Variants in PRRC2A observed in about 807,000 individuals in gnomAD.
PRRC2A encodes protein PRRC2A.
Under a neutral mutation model 224.6 loss-of-function variants are expected in PRRC2A, and 59 were observed. The ratio of observed to expected loss-of-function variants is 0.26; its 90% CI spans 0.21 to 0.33. The LOEUF (loss-of-function observed/expected upper bound fraction) is 0.33, where lower values mean the gene tolerates loss of function less well. Among genes scored for constraint, PRRC2A ranks in the 10% least tolerant of loss-of-function variants. The probability of loss-of-function intolerance (pLI) is 1.00; values close to 1 mark genes in which losing one functional copy is unlikely to be tolerated. For missense variants in PRRC2A, 3,095 were observed against 2,880.7 expected (o/e 1.07, Z -1.70); for synonymous variants, 1,194 against 1,109.5 (o/e 1.08, Z -1.51).
chr6:31,637,034 C>T lies in PRRC2A; in HGVS notation c.6148-8C>T, dbSNP rs747734917. ...AAGGTAGGCAGCTCATGATTTTTTT[C>T]CCCTCAGCTGCATCCAGTGGAACTA... On this transcript the variant is annotated splice_region_variant and splice_polypyrimidine_tract_variant and intron_variant, in intron 28 of 30. Transcript: ENST00000376033. 1.0e-5 allele frequency: 16 copies of T among 1,594,170 alleles called. No homozygotes were observed. In the African/African-American group the frequency reaches 2.0e-4, roughly 20 times the overall value.
At position 31,632,053 on chromosome 6, in the gene PRRC2A, C is replaced by T. The variant is rs573341599; in HGVS notation, c.3380C>T (p.Pro1127Leu). The T allele has an allele frequency of 1.3e-6, 2 of 1,579,228 alleles. No individual in the cohort carries two copies. Among genetic ancestry groups the T allele is most frequent in the Non-Finnish European group, 1.7e-6 (2 of 1,160,396 alleles). ...LAPSDKEAPT[P>L]KEGTLTQVPL... ...CCTTCAGACAAGGAGGCTCCCACACCCAAGGAGGGAACACTCACCCAGGTC... is the reference window on the plus strand; with the variant it reads ...CCTTCAGACAAGGAGGCTCCCACACTCAAGGAGGGAACACTCACCCAGGTC... The change falls in exon 16 of 31, where the codon CCC (proline) becomes CTC (leucine). Residue 1127 changes from proline (P) to leucine (L), a missense_variant. This residue lies in a region of PRRC2A where 2,001 missense variants were observed against 1,764.9 expected (regional missense o/e 1.13). Coordinates refer to ENST00000376033, the MANE Select transcript of PRRC2A (RefSeq NM_004638.4).
rs1776046491 is a variant in PRRC2A at position 31,627,497 on chromosome 6, C to CTG, written c.1291-266_1291-265dup. On this transcript the variant is annotated intron_variant, in intron 11 of 30. Transcript: ENST00000376033. This position sits in a 1 kb window ranked among gnomAD's most constrained non-coding sequence, Gnocchi z 5.6. Reference sequence around the variant, plus strand: ...GACTAGGGTGGCTAGATAGCTGGATCTGTTAGTATGCATCAGTAGTCCAAG... The same window carrying CTG: ...GACTAGGGTGGCTAGATAGCTGGATCTGTGTTAGTATGCATCAGTAGTCCAAG... Among the ~76,000 whole-genome samples the CTG allele has an allele frequency of 6.6e-6, 1 of 152,144 alleles. No individual in the cohort carries two copies. The highest frequency in any genetic ancestry group is 2.4e-5 in the African/African-American group (1 of 41,410).
In PRRC2A at chr6:31,631,065, T is replaced by G. The variant is rs1776495808; in HGVS notation, c.2466-74T>G. The G allele has an allele frequency of 7.3e-7, 1 of 1,372,650 alleles. No individual in the cohort carries two copies. 85.0% of individuals were successfully genotyped at this position (1,372,650 alleles called of 1,614,324 possible). On this transcript the variant is annotated intron_variant, in intron 15 of 30. Transcript: ENST00000376033. This position sits in a 1 kb window ranked among gnomAD's most constrained non-coding sequence, Gnocchi z 4.5. ...TAGTAAAAGAGAGTCTGCATCATAATAAAGTGTTCTTTTCCCACCTAGTTC... is the reference window on the plus strand; with the variant it reads ...TAGTAAAAGAGAGTCTGCATCATAAGAAAGTGTTCTTTTCCCACCTAGTTC...
chr6:31,627,330 C>T lies in PRRC2A; in HGVS notation c.1290+132C>T. 3.0e-6 allele frequency: 2 copies of T among 674,570 alleles called. No homozygotes were observed. Among genetic ancestry groups the T allele is most frequent in the Non-Finnish European group, 5.0e-6 (2 of 398,324 alleles). The allele number at this position is 674,570 out of a possible 1,614,324, so 41.8% of individuals were successfully genotyped here. ...CTGTGTGAAGTGCCAGGCTGCAGAACATCCTGGGAAGCTTTTAAATATCTT... is the reference window on the plus strand; with the variant it reads ...CTGTGTGAAGTGCCAGGCTGCAGAATATCCTGGGAAGCTTTTAAATATCTT... On this transcript the variant is annotated intron_variant, in intron 11 of 30. Coordinates refer to ENST00000376033, the MANE Select transcript of PRRC2A (RefSeq NM_004638.4). This position sits in a 1 kb window ranked among gnomAD's most constrained non-coding sequence, Gnocchi z 5.6.
intron 12 of PRRC2A, chr6:31,628,686 C>CA (rs1776190975): frequency 4.6e-6 from 1 of 215,174 alleles, no homozygotes. Context: ...ACTAAAAATA[C>CA]AAAAATTAGC....
chr6:31,626,493 G>A (rs1005044103), intron 9 of PRRC2A, among the ~76,000 whole-genome samples: 4 of 151,894 alleles, frequency 2.6e-5, no homozygotes, highest in Non-Finnish European at 5.9e-5. Flanking sequence ...GGAGTTGGAG[G>A]TCACAGTGAG....
chr6:31,629,791 C>G lies in PRRC2A; in HGVS notation c.2200C>G (p.Leu734Val), dbSNP rs1192553971. Residue 734 changes from leucine to valine, a missense_variant, in exon 14 of 31, where the codon CTC (leucine) becomes GTC (valine). Physicochemically the swap from Leu to Val is conservative, Grantham distance 32 (BLOSUM62 1). Transcript: ENST00000376033. Reference protein sequence around the residue: ...MMIPPYVDPRLLQGRPPLDFY... With the variant: ...MMIPPYVDPRVLQGRPPLDFY... Reference sequence around the variant, plus strand: ...GATTCCTCCTTATGTGGACCCCCGGCTCCTCCAGGGTCGTCCCCCTCTAGA... The same window carrying G: ...GATTCCTCCTTATGTGGACCCCCGGGTCCTCCAGGGTCGTCCCCCTCTAGA... 1 of 1,613,758 alleles carries G rather than the reference C, an allele frequency of 6.2e-7. No homozygotes were observed. Among genetic ancestry groups the G allele is most frequent in the East Asian group, 2.2e-5 (1 of 44,878 alleles).
intron 16 of PRRC2A, 108 bp downstream of exon 16, chr6:31,633,100 A>G (rs917199173): frequency 2.6e-5 from 35 of 1,358,546 alleles, no homozygotes; most frequent in Non-Finnish European, 3.0e-5. Flanking sequence ...CTGAGGGGCC[A>G]TGGGCTCTAG....
In PRRC2A at chr6:31,631,586, G is replaced by T; in HGVS notation, c.2913G>T (p.Gln971His). The T allele has an allele frequency of 6.4e-7, 1 of 1,565,936 alleles. No individual in the cohort carries two copies. Among genetic ancestry groups the T allele is most frequent in the Non-Finnish European group, 8.6e-7 (1 of 1,160,742 alleles). ...AGCTGCCTCCCAAGCCCCTCGAACA[G>T]GGGGATGAAACCCCCAAACCCCCAA... Reference protein sequence around the residue: ...VEELPPKPLEQGDETPKPPKP... With the variant: ...VEELPPKPLEHGDETPKPPKP... Residue 971 changes from glutamine to histidine, a missense_variant, in exon 16 of 31, where the codon CAG (glutamine) becomes CAT (histidine). Transcript: ENST00000376033. The surrounding 1 kb of genome is among the most constrained non-coding windows in gnomAD (Gnocchi z 4.5).
In PRRC2A at chr6:31,630,638, C is replaced by T. The variant is rs1019217361; in HGVS notation, c.2302C>T (p.Pro768Ser). The T allele has an allele frequency of 6.2e-7, 1 of 1,614,092 alleles. No individual in the cohort carries two copies. The highest frequency in any genetic ancestry group is 8.5e-7 in the Non-Finnish European group (1 of 1,180,010). ...AGACAGTGGGGGCTCAAGCTCAGAG[C>T]CATTTGACCGTCATGCACCTGCTAT... ...RSDSGGSSSEPFDRHAPAMLR... is the reference protein window; with the variant it reads ...RSDSGGSSSESFDRHAPAMLR... The change falls in exon 15 of 31, where the codon CCA (proline) becomes TCA (serine). Residue 768 changes from proline (P) to serine (S), a missense_variant. Physicochemically the swap from Pro to Ser is moderately conservative, Grantham distance 74 (BLOSUM62 -1). Coordinates refer to ENST00000376033, the MANE Select transcript of PRRC2A (RefSeq NM_004638.4).
chr6:31,633,477 C>T lies in PRRC2A; in HGVS notation c.4418C>T (p.Pro1473Leu). Reference sequence around the variant, plus strand: ...CTGGACCAAGTTATCCACAGCAACCCTGCTGGCATCCAACAGGCTCTGGCC... The same window carrying T: ...CTGGACCAAGTTATCCACAGCAACCTTGCTGGCATCCAACAGGCTCTGGCC... ...FRLDQVIHSN[P>L]AGIQQALAQL... Residue 1473 changes from proline (P) to leucine (L), a missense_variant, in exon 17 of 31, where the codon CCT (proline) becomes CTT (leucine). By Grantham distance (98) the Pro-to-Leu change is moderately conservative. Transcript: ENST00000376033. 6.2e-7 allele frequency: 1 copy of T among 1,613,116 alleles called. No homozygotes were observed. The highest frequency in any genetic ancestry group is 1.7e-4 in the Middle Eastern group (1 of 6,060).
intron 1 of PRRC2A, among the ~76,000 whole-genome samples, chr6:31,621,224 C>G (rs1434398613): frequency 6.6e-6 from 1 of 151,606 alleles, no homozygotes; most frequent in Non-Finnish European, 1.5e-5. Context: ...GTGGGCCGCG[C>G]CCGACGGTTC....
rs1777122731 is a variant in PRRC2A, at chr6:31,634,851, G to A, written c.5034G>A (p.Gly1678=). The change falls in exon 21 of 31, where the codon GGG becomes GGA. Residue 1678 remains glycine (G), a synonymous_variant. Transcript: ENST00000376033. The part of the protein sequence containing the change: ...QRSSPDGGLK[G]AAEGPPKRPG... ...GTTCCCCTGATGGAGGACTCAAGGG[G>A]GCAGCAGAGGGACCCCCCAAGAGGC... 1 of 1,612,878 alleles carries A rather than the reference G, an allele frequency of 6.2e-7. No homozygotes were observed. Among genetic ancestry groups the A allele is most frequent in the African/African-American group, 1.3e-5 (1 of 74,898 alleles).
chr6:31,628,376 C>G, intron 12 of PRRC2A, 137 bp downstream of exon 12: 1 of 1,358,012 alleles, frequency 7.4e-7, no homozygotes, highest in Non-Finnish European at 9.7e-7. Context: ...TGATAGTGTT[C>G]TATCATTTGT....
chr6:31,632,541 C>T lies in PRRC2A; in HGVS notation c.3868C>T (p.Leu1290Phe), dbSNP rs1221122390. ...PASAPGPEEA[L>F]TTVTVAPAPR... ...CTCCGCTCCTGGACCTGAGGAGGCCCTCACAACAGTCACAGTGGCCCCAGC... is the reference window on the plus strand; with the variant it reads ...CTCCGCTCCTGGACCTGAGGAGGCCTTCACAACAGTCACAGTGGCCCCAGC... The change falls in exon 16 of 31, where the codon CTC becomes TTC. Residue 1290 changes from leucine to phenylalanine, a missense_variant. Physicochemically the swap from Leu to Phe is conservative, Grantham distance 22. Transcript: ENST00000376033. The T allele has an allele frequency of 5.6e-6, 9 of 1,611,102 alleles. No homozygotes were observed. The highest frequency in any genetic ancestry group is 7.6e-6 in the Non-Finnish European group (9 of 1,178,822).
In PRRC2A at chr6:31,625,803, A is replaced by G. The variant is rs200158708; in HGVS notation, c.771A>G (p.Pro257=). 7 of 1,580,044 alleles carry G rather than the reference A, an allele frequency of 4.4e-6. No individual in the cohort carries two copies. Among genetic ancestry groups the G allele is most frequent in the Non-Finnish European group, 5.2e-6 (6 of 1,149,758 alleles). Reference sequence around the variant, plus strand: ...GGACCCTTTTACAGATGTATCCCCCATATCTCCCGTTCCCTCCGCCCTATG... The same window carrying G: ...GGACCCTTTTACAGATGTATCCCCCGTATCTCCCGTTCCCTCCGCCCTATG... ...RGMMPPFMYP[P]YLPFPPPYGP... Residue 257 remains proline, a synonymous_variant, in exon 8 of 31, where the codon CCA becomes CCG. Transcript: ENST00000376033. The surrounding 1 kb of genome is among the most constrained non-coding windows in gnomAD (Gnocchi z 4.1).
At position 31,629,749 on chromosome 6, in the gene PRRC2A, G is replaced by A; in HGVS notation, c.2158G>A (p.Asp720Asn). Residue 720 changes from aspartate to asparagine, a missense_variant, in exon 14 of 31, where the codon GAT (aspartate) becomes AAT (asparagine). Physicochemically the swap from Asp to Asn is conservative, Grantham distance 23. Coordinates refer to ENST00000376033, the MANE Select transcript of PRRC2A (RefSeq NM_004638.4). Reference protein sequence around the residue: ...RPPPMPPMNFDPRWMMIPPYV... With the variant: ...RPPPMPPMNFNPRWMMIPPYV... ...CCCACCCATGCCCCCAATGAACTTTGATCCCCGATGGATGATGATTCCTCC... is the reference window on the plus strand; with the variant it reads ...CCCACCCATGCCCCCAATGAACTTTAATCCCCGATGGATGATGATTCCTCC... 1.2e-6 allele frequency: 2 copies of A among 1,610,818 alleles called. No individual in the cohort carries two copies. The highest frequency in any genetic ancestry group is 1.7e-6 in the Non-Finnish European group (2 of 1,178,534).
chr6:31,627,405 G>GAAA lies in PRRC2A; in HGVS notation c.1290+207_1290+208insAAA, dbSNP rs1158400425. 2.6e-5 allele frequency among the ~76,000 whole-genome samples: 4 copies of GAAA among 152,148 alleles called. No individual in the cohort carries two copies. The highest frequency in any genetic ancestry group is 4.4e-5 in the Non-Finnish European group (3 of 68,026). ...AAGTGAGAAACTGGGATGCTAATGAGGAAAGAAGAAAAAGGAGCCCTGGGT... is the reference window on the plus strand; with the variant it reads ...AAGTGAGAAACTGGGATGCTAATGAGAAAGAAAGAAGAAAAAGGAGCCCTGGGT... On this transcript the variant is annotated intron_variant, in intron 11 of 30. Coordinates refer to ENST00000376033, the MANE Select transcript of PRRC2A (RefSeq NM_004638.4). This position sits in a 1 kb window ranked among gnomAD's most constrained non-coding sequence, Gnocchi z 5.6.
At chr6:31,633,764 G>A (rs1776971658) in intron 17 of PRRC2A, 95 bp from the exon 18 acceptor site, 2 of 1,529,806 alleles carry the variant, frequency 1.3e-6, no homozygotes, top group Non-Finnish European at 1.7e-6. Flanking sequence ...TTTCTGCAGG[G>A]AGCAAGGGTA....
Sources: gnomAD v4.1 joint callset for allele counts (sites outside exome capture counted in the v4.1 genomes callset) on GRCh38, gnomAD v4.1.1 for gene constraint, gnomAD v4.1.1 regional missense constraint, Gnocchi (gnomAD v3.1) non-coding constraint, MANE v1.5 for transcripts, NCBI Gene and HGNC (gene_info 2026-07-23, HGNC 2026-07-21) for gene names.